Variants in LHFPL2 observed in about 807,000 individuals in gnomAD.
LHFPL2 encodes LHFPL tetraspan subfamily member 2 protein.
In LHFPL2, 7 loss-of-function variants were observed where a neutral mutation model predicts 17.5. The ratio of observed to expected loss-of-function variants is 0.40; its 90% CI spans 0.23 to 0.75. The LOEUF (loss-of-function observed/expected upper bound fraction) is 0.75. LHFPL2 is among the 30% of genes least tolerant of loss of function. The pLI, the probability that LHFPL2 is intolerant of heterozygous loss-of-function variation, is 0.37. For synonymous variants in LHFPL2, 134 were observed against 116.2 expected, an observed-to-expected ratio of 1.15 and a Z score of -0.99; for missense variants, 241 against 294.8, an observed-to-expected ratio of 0.82 and a Z score of 1.34.
chr5:78,523,921 A>G (rs1755538240), intron 3 of LHFPL2, among the ~76,000 whole-genome samples: 1 of 152,166 alleles, frequency 6.6e-6, no homozygotes, highest in African/African-American at 2.4e-5. Context: ...ACAATGGTGT[A>G]GATGCTGTGG....
At chr5:78,489,814 C>G (rs1387358618) in intron 4 of LHFPL2, among the ~76,000 whole-genome samples, 2 of 152,224 alleles carry the variant, frequency 1.3e-5, no homozygotes, top group Non-Finnish European at 2.9e-5. Context: ...TGTGGCCATT[C>G]ATTTTTGGAT....
chr5:78,625,231 A>C (rs1010555635), intron 2 of LHFPL2: 17 of 142,844 alleles, frequency 1.2e-4, no homozygotes, highest in South Asian at 8.7e-4. Context: ...ACACACACAC[A>C]CCCCTCTACA....
intron 2 of LHFPL2, among the ~76,000 whole-genome samples, chr5:78,598,412 A>G (rs1045958076): frequency 3.3e-5 from 5 of 152,260 alleles, no homozygotes; most frequent in African/African-American, 1.2e-4. Context: ...ACAGCTCACT[A>G]GTAAATGAAG....
chr5:78,545,486 T>C (rs1175968618), intron 3 of LHFPL2, among the ~76,000 whole-genome samples: 2 of 152,300 alleles, frequency 1.3e-5, no homozygotes, highest in East Asian at 3.9e-4. Flanking sequence ...ACCTCATGGC[T>C]TGAAAGAGTT....
intron 2 of LHFPL2, among the ~76,000 whole-genome samples, chr5:78,585,809 G>A (rs975904881): frequency 6.6e-6 from 1 of 152,222 alleles, no homozygotes; most frequent in South Asian, 2.1e-4. Flanking sequence ...TATGAGATAG[G>A]CTATTAACCT....
intron 4 of LHFPL2, among the ~76,000 whole-genome samples, chr5:78,508,426 T>G (rs933348088): frequency 1.3e-5 from 2 of 152,078 alleles, no homozygotes; most frequent in African/African-American, 4.8e-5. Flanking sequence ...GATGGTGTAT[T>G]CCCCCATGAA....
intron 4 of LHFPL2, chr5:78,494,389 G>C: frequency 1.0e-6 from 1 of 985,358 alleles, no homozygotes; most frequent in Non-Finnish European, 1.2e-6. Context: ...TTGACAGAAT[G>C]GTGCCCTAGA....
Position 78,584,994 on chromosome 5 carries a change from TG to T in LHFPL2, c.-244-20124del, listed in dbSNP as rs1257751070. On this transcript the variant is annotated intron_variant, in intron 2 of 4. Transcript: ENST00000380345. ...CGGGATATAATCTCCTGGTGCGCTG[TG>T]TTTTTTTTTTTTTTTTTTTTTTTTT... 6.1e-4 allele frequency among the ~76,000 whole-genome samples: 54 copies of T among 89,182 alleles called. 8 individuals carry two copies. Among genetic ancestry groups the T allele is most frequent in the African/African-American group, 2.4e-3 (53 of 21,812 alleles). The allele number at this position is 89,182 out of a possible 152,430, so 58.5% of individuals were successfully genotyped here.
intron 3 of LHFPL2, among the ~76,000 whole-genome samples, chr5:78,534,752 A>C (rs1481708326): frequency 2.0e-5 from 3 of 152,198 alleles, no homozygotes; most frequent in Non-Finnish European, 4.4e-5. Flanking sequence ...AGGAGGCCCC[A>C]TCAACAGCAA....
intron 3 of LHFPL2, among the ~76,000 whole-genome samples, chr5:78,524,858 T>C (rs1755571591): frequency 6.6e-6 from 1 of 152,250 alleles, no homozygotes; most frequent in African/African-American, 2.4e-5. Context: ...TTGAGTATTT[T>C]TTAAATGTTT....
At chr5:78,494,511 G>C in intron 4 of LHFPL2, 1 of 985,372 alleles carries the variant, frequency 1.0e-6, no homozygotes, top group Non-Finnish European at 1.2e-6. Flanking sequence ...GCAATGGGGG[G>C]ATCACATGAT....
Position 78,487,666 on chromosome 5 carries a change from A to G in LHFPL2, c.*1231T>C, listed in dbSNP as rs760115453. The G allele has an allele frequency of 3.9e-5, 6 of 152,210 alleles. No individual in the cohort carries two copies. The highest frequency in any genetic ancestry group is 8.8e-5 in the Non-Finnish European group (6 of 68,030). The allele number at this position is 152,210 out of a possible 1,614,324, so 9.4% of individuals were successfully genotyped here. On this transcript the variant is annotated 3_prime_UTR_variant, in exon 5 of 5. Transcript: ENST00000380345. Reference sequence around the variant, plus strand: ...ATTAAAAACCCCTGAATCCTTATTCATAGTGGTATTTGATTCTTTTTGTAA... The same window carrying G: ...ATTAAAAACCCCTGAATCCTTATTCGTAGTGGTATTTGATTCTTTTTGTAA...
chr5:78,600,705 G>A (rs563638359), intron 2 of LHFPL2, among the ~76,000 whole-genome samples: 2 of 152,274 alleles, frequency 1.3e-5, no homozygotes, highest in African/African-American at 2.4e-5. Context: ...TGCAGCCTGG[G>A]CAACAAGAGC....
At chr5:78,593,309 G>C (rs1743709751) in intron 2 of LHFPL2, among the ~76,000 whole-genome samples, 1 of 152,082 alleles carries the variant, frequency 6.6e-6, no homozygotes, top group African/African-American at 2.4e-5. Flanking sequence ...TAGGTTCCTG[G>C]AATTAAGGAA....
At position 78,510,185 on chromosome 5, in the gene LHFPL2, G is replaced by C; in HGVS notation, c.29C>G (p.Ser10Trp). MCHVIVTCRSMLWTLLSIVV... is the reference protein window; with the variant it reads MCHVIVTCRWMLWTLLSIVV... ...AATACTCAGCAAGGTCCAGAGCATC[G>C]AGCGACAGGTGACAATGACATGACA... The change falls in exon 4 of 5, where the codon TCG becomes TGG. Residue 10 changes from serine to tryptophan, a missense_variant. By Grantham distance (177) the Ser-to-Trp change is radical. Coordinates refer to ENST00000380345, the MANE Select transcript of LHFPL2 (RefSeq NM_005779.3). The C allele has an allele frequency of 1.2e-6, 2 of 1,601,398 alleles. No homozygotes were observed. Among genetic ancestry groups the C allele is most frequent in the Non-Finnish European group, 1.7e-6 (2 of 1,171,718 alleles).
At chr5:78,631,231 G>A (rs1187472544) in intron 2 of LHFPL2, among the ~76,000 whole-genome samples, 3 of 152,196 alleles carry the variant, frequency 2.0e-5, no homozygotes, top group Non-Finnish European at 2.9e-5. Context: ...TTTAGATAAT[G>A]CTCAATCCTA....
At chr5:78,643,605 G>A (rs905338670) in intron 1 of LHFPL2, among the ~76,000 whole-genome samples, 1 of 151,954 alleles carries the variant, frequency 6.6e-6, no homozygotes, top group African/African-American at 2.4e-5. Flanking sequence ...TGTTCAGTTA[G>A]CAGAACATTC....
chr5:78,557,708 G>A (rs1044792808), intron 3 of LHFPL2, among the ~76,000 whole-genome samples: 3 of 152,178 alleles, frequency 2.0e-5, no homozygotes, highest in African/African-American at 7.2e-5. Flanking sequence ...ACGTTTCCAA[G>A]TTCATTCGGA....
chr5:78,582,713 G>C (rs1743193186), intron 2 of LHFPL2, among the ~76,000 whole-genome samples: 1 of 152,146 alleles, frequency 6.6e-6, no homozygotes, highest in African/African-American at 2.4e-5. Flanking sequence ...CAAGTATGTG[G>C]TCAATTTTGG....
Sources: gnomAD v4.1 joint callset for allele counts (sites outside exome capture counted in the v4.1 genomes callset) on GRCh38, gnomAD v4.1.1 for gene constraint, MANE v1.5 for transcripts, NCBI Gene and HGNC (gene_info 2026-07-23, HGNC 2026-07-21) for gene names.